ERAP1: variants seen among roughly 807,000 people sequenced by gnomAD.
ERAP1 encodes endoplasmic reticulum aminopeptidase 1, also known as adipocyte-derived leucine aminopeptidase.
In ERAP1, 86 loss-of-function variants were observed where a neutral mutation model predicts 103.7. That is an observed-to-expected ratio of 0.83 (90% CI 0.70 to 0.99). The LOEUF is 0.99. ERAP1 is among the 50% of genes least tolerant of loss of function. The pLI, the probability that ERAP1 is intolerant of heterozygous loss-of-function variation, is 0.00. For synonymous variants in ERAP1, 398 were observed against 402.4 expected, an observed-to-expected ratio of 0.99 and a Z score of 0.13; for missense variants, 1,009 against 1,128.4, an observed-to-expected ratio of 0.89 and a Z score of 1.52.
At chr5:96,900,350 G>A in the ERAP1 span, 88 of 1,105,120 alleles carry the variant, frequency 8.0e-5, no homozygotes, top group Middle Eastern at 9.5e-4. Flanking sequence ...AAATGCTTGG[G>A]GTATTTAGGG....
At chr5:96,916,374 C>T in the ERAP1 span, among the ~76,000 whole-genome samples, 6,190 of 150,996 alleles carry the variant, frequency 0.041, 398 homozygotes, top group African/African-American at 0.14. Flanking sequence ...TATTGTATTA[C>T]GATGCAAGAG....
the ERAP1 span, among the ~76,000 whole-genome samples, chr5:96,827,566 G>A: frequency 2.6e-5 from 4 of 152,160 alleles, no homozygotes; most frequent in Admixed American, 6.5e-5. Flanking sequence ...TTGGGAGGCT[G>A]AAGCAGGAGA....
Position 96,780,405 on chromosome 5 carries a change from T to G in ERAP1, c.2670+18A>C, listed in dbSNP as rs201876997. ...TCATTTATGTTTAAAAATATATATA[T>G]AGATTTTTTTTTTTTACCTCTTCAA... On this transcript the variant is annotated intron_variant, in intron 18 of 18. Transcript: ENST00000443439. 7.9e-3 allele frequency: 11,913 copies of G among 1,515,500 alleles called. 138 individuals carry two copies. Among genetic ancestry groups the G allele is most frequent in the South Asian group, 0.03 (2,429 of 81,972 alleles). The allele number at this position is 1,515,500 out of a possible 1,614,324, so 93.9% of individuals were successfully genotyped here. A position where few individuals can be genotyped will look rare whatever the true frequency, so the allele number is the denominator to read the frequency against.
At chr5:96,818,665 C>A in the ERAP1 span, among the ~76,000 whole-genome samples, 2 of 152,094 alleles carry the variant, frequency 1.3e-5, no homozygotes, top group African/African-American at 2.4e-5. Flanking sequence ...GAATCCATGC[C>A]ATAAATCCTC....
chr5:96,901,636 A>G, the ERAP1 span: 6 of 1,614,054 alleles, frequency 3.7e-6, no homozygotes, highest in East Asian at 2.2e-5. Flanking sequence ...CGCTTCCTCC[A>G]GGGGGTTTTC....
chr5:96,782,552 A>G (rs1366594658), intron 15 of ERAP1, among the ~76,000 whole-genome samples: 1 of 152,206 alleles, frequency 6.6e-6, no homozygotes, highest in Non-Finnish European at 1.5e-5. Context: ...CTTTAAGCTG[A>G]AGCATGTAGG....
chr5:96,889,356 T>G, the ERAP1 span: 1 of 1,598,122 alleles, frequency 6.3e-7, no homozygotes, highest in South Asian at 1.1e-5. Flanking sequence ...TAAAACTTGC[T>G]TTGATCTCTT....
At chr5:96,816,572 C>T in the ERAP1 span, among the ~76,000 whole-genome samples, 89 of 152,278 alleles carry the variant, frequency 5.8e-4, no homozygotes, top group East Asian at 0.015. Context: ...CACTATAATG[C>T]CATTAACATA....
the ERAP1 span, chr5:96,909,993 C>A: frequency 2.4e-6 from 1 of 415,096 alleles, no homozygotes; most frequent in African/African-American, 2.0e-5. Context: ...TGGCTGGATG[C>A]AGTGGCCCAC....
chr5:96,790,863 C>T (rs1392103986), intron 8 of ERAP1, among the ~76,000 whole-genome samples: 3 of 152,200 alleles, frequency 2.0e-5, no homozygotes, highest in Admixed American at 2.0e-4. Flanking sequence ...CCCACTGAGG[C>T]CCTTATTTTC....
the ERAP1 span, among the ~76,000 whole-genome samples, chr5:96,882,604 C>T: frequency 1.3e-5 from 2 of 152,156 alleles, no homozygotes; most frequent in African/African-American, 2.4e-5. Flanking sequence ...TCCAATGAAT[C>T]GTGTAAGCAA....
At chr5:96,863,937 A>G in the ERAP1 span, among the ~76,000 whole-genome samples, 2 of 152,222 alleles carry the variant, frequency 1.3e-5, no homozygotes, top group South Asian at 2.1e-4. Context: ...TTAAGGCTCA[A>G]CTGATATTGT....
At chr5:96,894,587 T>C in the ERAP1 span, among the ~76,000 whole-genome samples, 1 of 152,182 alleles carries the variant, frequency 6.6e-6, no homozygotes, top group Non-Finnish European at 1.5e-5. Context: ...AAATGCATAA[T>C]ACAGATCAAA....
In ERAP1 at chr5:96,775,524, A is replaced by G. The variant is rs3198304; in HGVS notation, c.*872T>C. 0.3 allele frequency: 283,343 copies of G among 940,984 alleles called. 42,563 individuals carry two copies. Among genetic ancestry groups the G allele is most frequent in the Non-Finnish European group, 0.31 (255,841 of 813,712 alleles). The allele number at this position is 940,984 out of a possible 1,614,324, so 58.3% of individuals were successfully genotyped here. On this transcript the variant is annotated 3_prime_UTR_variant, in exon 19 of 19. Transcript: ENST00000443439. ...GAAGAGATACTGTACCAGTCAGGGAAATAGATGACACTCACTCAGAATTAT... is the reference window on the plus strand; with the variant it reads ...GAAGAGATACTGTACCAGTCAGGGAGATAGATGACACTCACTCAGAATTAT...
chr5:96,788,648 A>G lies in ERAP1; in HGVS notation c.1562T>C (p.Met521Thr). 6.2e-7 allele frequency: 1 copy of G among 1,614,210 alleles called. No homozygotes were observed. Among genetic ancestry groups the G allele is most frequent in the Non-Finnish European group, 8.5e-7 (1 of 1,180,036 alleles). The part of the protein sequence containing the change: ...HQEGVDVKTM[M>T]NTWTLQKGFP... ...ACCCTTCTGCAGTGTCCAAGTGTTCATCATGGTTTTCACATCCACCCCTTC... is the reference window on the plus strand; with the variant it reads ...ACCCTTCTGCAGTGTCCAAGTGTTCGTCATGGTTTTCACATCCACCCCTTC... Residue 521 changes from methionine (M) to threonine (T), a missense_variant, in exon 11 of 19, where the codon ATG (methionine) becomes ACG (threonine). Coordinates refer to ENST00000443439, the MANE Select transcript of ERAP1 (RefSeq NM_001040458.3).
the ERAP1 span, chr5:96,814,380 C>T: frequency 2.2e-5 from 10 of 455,136 alleles, no homozygotes; most frequent in African/African-American, 1.2e-4. Flanking sequence ...ACTTAGATTA[C>T]GTCTGCCACA....
chr5:96,901,168 T>TTTTG, the ERAP1 span, among the ~76,000 whole-genome samples: 1 of 118,538 alleles, frequency 8.4e-6, no homozygotes, highest in Admixed American at 8.9e-5. Flanking sequence ...TATTTGAGGG[T>TTTTG]TTTGTTTGTT....
chr5:96,822,984 T>G, the ERAP1 span: 21 of 451,958 alleles, frequency 4.6e-5, no homozygotes, highest in Non-Finnish European at 8.5e-5. Flanking sequence ...ACTCAGGTTG[T>G]TGGCAGAATT....
At chr5:96,825,135 C>T in the ERAP1 span, among the ~76,000 whole-genome samples, 2 of 152,196 alleles carry the variant, frequency 1.3e-5, no homozygotes, top group African/African-American at 4.8e-5. Flanking sequence ...GTGTCTCTCT[C>T]TTTCTAAGCA....
Sources: gnomAD v4.1 joint callset for allele counts (sites outside exome capture counted in the v4.1 genomes callset) on GRCh38, gnomAD v4.1.1 for gene constraint, MANE v1.5 for transcripts, NCBI Gene and HGNC (gene_info 2026-07-23, HGNC 2026-07-21) for gene names.